The following FLT1 variants were observed in gnomAD, a reference collection of about 807,000 sequenced individuals.
FLT1 encodes the protein vascular endothelial growth factor receptor 1.
A neutral mutation model predicts 156.3 loss-of-function variants in FLT1; 49 were observed. That is an observed-to-expected ratio of 0.31 (90% CI 0.25 to 0.40). The LOEUF is 0.40. Among genes scored for constraint, FLT1 ranks in the 10% least tolerant of loss-of-function variants. The pLI is 1.00. For missense variants in FLT1, 1,322 were observed against 1,637.2 expected, an observed-to-expected ratio of 0.81 and a Z score of 3.32; for synonymous variants, 594 against 583.8, an observed-to-expected ratio of 1.02 and a Z score of -0.25.
Position 28,467,133 on chromosome 13 carries a change from C to T in FLT1, c.162-4G>A, listed in dbSNP as rs1006330866. 2 of 1,608,286 alleles carry T rather than the reference C, an allele frequency of 1.2e-6. No individual in the cohort carries two copies. The highest frequency in any genetic ancestry group is 1.3e-5 in the African/African-American group (1 of 74,816). ...CCATTTATGGGCTGCTTCCCCCCTG[C>T]AATCACAGATAAGAAAACAAAACAT... On this transcript the variant is annotated splice_polypyrimidine_tract_variant and splice_region_variant and intron_variant, in intron 2 of 29. Coordinates refer to ENST00000282397, the MANE Select transcript of FLT1 (RefSeq NM_002019.4).
At chr13:28,393,532 T>G (rs1433002508) in intron 12 of FLT1, among the ~76,000 whole-genome samples, 1 of 152,110 alleles carries the variant, frequency 6.6e-6, no homozygotes, top group Non-Finnish European at 1.5e-5. Flanking sequence ...ATGGCCACAG[T>G]TTACCATTTT....
At chr13:28,484,796 C>T (rs1881055517) in intron 1 of FLT1, among the ~76,000 whole-genome samples, 1 of 152,076 alleles carries the variant, frequency 6.6e-6, no homozygotes, top group Non-Finnish European at 1.5e-5. Flanking sequence ...GACTCAGATT[C>T]AAATAATTCC....
intron 3 of FLT1, among the ~76,000 whole-genome samples, chr13:28,460,136 C>T (rs1052396969): frequency 6.6e-6 from 1 of 152,186 alleles, no homozygotes; most frequent in Non-Finnish European, 1.5e-5. Context: ...TTGACTGAGC[C>T]TTCTGTGTGT....
At chr13:28,365,326 G>A (rs1873251593) in intron 14 of FLT1, among the ~76,000 whole-genome samples, 1 of 151,100 alleles carries the variant, frequency 6.6e-6, no homozygotes, top group Non-Finnish European at 1.5e-5. Context: ...TCCTTTTTGG[G>A]TATTAGTCTT....
intron 1 of FLT1, among the ~76,000 whole-genome samples, chr13:28,475,594 G>A (rs1880498573): frequency 6.6e-6 from 1 of 152,144 alleles, no homozygotes; most frequent in South Asian, 2.1e-4. Context: ...GAATCTTTGG[G>A]GTTGGTGGCA....
intron 16 of FLT1, among the ~76,000 whole-genome samples, chr13:28,343,595 C>T (rs915831473): frequency 6.6e-6 from 1 of 151,664 alleles, no homozygotes; most frequent in Non-Finnish European, 1.5e-5. Context: ...AGGTGTGGGC[C>T]ACCACGCGCG....
At chr13:28,477,622 A>G (rs1880622822) in intron 1 of FLT1, among the ~76,000 whole-genome samples, 1 of 152,200 alleles carries the variant, frequency 6.6e-6, no homozygotes, top group Non-Finnish European at 1.5e-5. Context: ...AACACTCTTT[A>G]CACCCTAAAA....
At chr13:28,338,552 C>T (rs1242615651) in intron 17 of FLT1, among the ~76,000 whole-genome samples, 1 of 152,186 alleles carries the variant, frequency 6.6e-6, no homozygotes, top group African/African-American at 2.4e-5. Context: ...ACCTGGAAAA[C>T]AACAGTCTTT....
chr13:28,327,032 C>T (rs78848509), intron 20 of FLT1, among the ~76,000 whole-genome samples: 4,087 of 152,324 alleles, frequency 0.027, 138 homozygotes, highest in Admixed American at 0.087. Context: ...TGCTGATTGT[C>T]AAGTCACTCA....
Position 28,361,681 on chromosome 13 carries a change from C to T in FLT1, c.2117-3996G>A, listed in dbSNP as rs374914654. 4.2e-3 allele frequency among the ~76,000 whole-genome samples: 638 copies of T among 152,244 alleles called. 2 individuals carry two copies. The highest frequency in any genetic ancestry group is 0.014 in the African/African-American group (597 of 41,534). ...AGCAAGAGTGGAGGATGAGCAGTAT[C>T]GTCTAAAAAATTAAAAACACAAAAC... is the stretch of plus-strand genomic sequence containing the variant. On this transcript the variant is annotated intron_variant, in intron 14 of 29. Transcript: ENST00000282397.
intron 10 of FLT1, among the ~76,000 whole-genome samples, chr13:28,416,100 A>G (rs1376934222): frequency 6.6e-6 from 1 of 152,240 alleles, no homozygotes; most frequent in South Asian, 2.1e-4. Flanking sequence ...CTTCACACCT[A>G]TTATGACATT....
At chr13:28,405,611 G>A (rs923458210) in intron 11 of FLT1, among the ~76,000 whole-genome samples, 169 bp downstream of exon 11, 1 of 152,226 alleles carries the variant, frequency 6.6e-6, no homozygotes, top group Non-Finnish European at 1.5e-5. Context: ...GGTAGCTTGA[G>A]TAGTCTCTGT....
chr13:28,448,745 G>A (rs7985584), intron 3 of FLT1, among the ~76,000 whole-genome samples: 48,006 of 152,056 alleles, frequency 0.32, 7,853 homozygotes, highest in East Asian at 0.38. Flanking sequence ...GGTGTGGTAT[G>A]TAAATTATAT....
At chr13:28,349,646 G>T in intron 15 of FLT1, among the ~76,000 whole-genome samples, 1 of 152,188 alleles carries the variant, frequency 6.6e-6, no homozygotes, top group East Asian at 1.9e-4. Flanking sequence ...CGCATGGAAT[G>T]CACTAAGAGA....
chr13:28,325,450 A>C (rs1426792747), intron 20 of FLT1, among the ~76,000 whole-genome samples: 2 of 152,076 alleles, frequency 1.3e-5, no homozygotes, highest in Non-Finnish European at 2.9e-5. Context: ...GAATCACTTG[A>C]CTTCTCTGAA....
intron 15 of FLT1, among the ~76,000 whole-genome samples, chr13:28,351,366 G>T (rs984187204): frequency 6.6e-6 from 1 of 152,144 alleles, no homozygotes; most frequent in African/African-American, 2.4e-5. Flanking sequence ...TCTCAATAAA[G>T]ATTTAGGTAT....
chr13:28,334,176 G>T, intron 17 of FLT1, 47 bp from the exon 18 acceptor site: 2 of 1,246,130 alleles, frequency 1.6e-6, no homozygotes, highest in Non-Finnish European at 2.4e-6. Context: ...GCAATAGGGT[G>T]AGTTTAAGTC....
intron 10 of FLT1, among the ~76,000 whole-genome samples, chr13:28,411,796 A>G (rs1464264967): frequency 1.3e-5 from 2 of 152,208 alleles, no homozygotes; most frequent in Non-Finnish European, 2.9e-5. Flanking sequence ...TTGTCTGGGA[A>G]TGAATGTTTA....
At chr13:28,315,560 A>G (rs1397483482) in intron 25 of FLT1, among the ~76,000 whole-genome samples, 1 of 152,254 alleles carries the variant, frequency 6.6e-6, no homozygotes, top group Non-Finnish European at 1.5e-5. Flanking sequence ...TATCTCAAAA[A>G]AACAAACAAA....
Sources: gnomAD v4.1 joint callset for allele counts (sites outside exome capture counted in the v4.1 genomes callset) on GRCh38, gnomAD v4.1.1 for gene constraint, MANE v1.5 for transcripts, NCBI Gene and HGNC (gene_info 2026-07-23, HGNC 2026-07-21) for gene names.